PRSS2: variants seen among roughly 807,000 people sequenced by gnomAD.
PRSS2 encodes serine protease 2, also known as trypsin-2.
A neutral mutation model predicts 19.2 loss-of-function variants in PRSS2; 19 were observed. That is an observed-to-expected ratio of 0.99 (90% CI 0.69 to 1.45). The LOEUF (loss-of-function observed/expected upper bound fraction) is 1.45, where lower values mean the gene tolerates loss of function less well. PRSS2 is among the 40% of genes most tolerant of loss of function. The probability of loss-of-function intolerance (pLI) is 0.00; values close to 1 mark genes in which losing one functional copy is unlikely to be tolerated. For synonymous variants in PRSS2, 107 were observed against 117.5 expected (o/e 0.91, Z 0.58); for missense variants, 288 against 294.4 (o/e 0.98, Z 0.16).
chr7:142,771,037 C>T lies in PRSS2; in HGVS notation c.40+15C>T, dbSNP rs938255011. The T allele has an allele frequency of 1.3e-5, 7 of 545,578 alleles. No individual in the cohort carries two copies. In the South Asian group the frequency reaches 2.4e-4, roughly 19 times the overall value. The allele number at this position is 545,578 out of a possible 1,614,324, so 33.8% of individuals were successfully genotyped here. On this transcript the variant is annotated intron_variant, in intron 1 of 4. Coordinates refer to ENST00000539842, the MANE Select transcript of PRSS2 (RefSeq NM_002770.4). ...TGCAGCTGCTGGTGAGTTTCACGCC[C>T]TGCCTCAGGCCTCAACCAACCCTTC...
chr7:142,771,758 A>G (rs1049563542), intron 1 of PRSS2, among the ~76,000 whole-genome samples: 10 of 152,180 alleles, frequency 6.6e-5, no homozygotes, highest in African/African-American at 2.2e-4. Context: ...AGACAGCCAC[A>G]TCCCAAATCC....
At chr7:142,773,574 A>G (rs1431202126) in intron 3 of PRSS2, 55 bp downstream of exon 3, 7 of 1,489,352 alleles carry the variant, frequency 4.7e-6, no homozygotes, top group African/African-American at 1.4e-5. Context: ...TTCCAGAACA[A>G]ACCATGCCCC....
intron 1 of PRSS2, 42 bp from the exon 2 acceptor site, chr7:142,772,007 C>A (rs1554505865): frequency 1.2e-6 from 2 of 1,613,790 alleles, no homozygotes; most frequent in Non-Finnish European, 1.7e-6. Flanking sequence ...CCACCCCTAA[C>A]ATGCTACTGA....
In PRSS2 at chr7:142,774,059, A is replaced by C; in HGVS notation, c.591+4A>C. The C allele has an allele frequency of 6.3e-7, 1 of 1,587,652 alleles. No individual in the cohort carries two copies. Among genetic ancestry groups the C allele is most frequent in the Admixed American group, 1.7e-5 (1 of 59,982 alleles). On this transcript the variant is annotated splice_donor_region_variant and intron_variant, in intron 4 of 4. Transcript: ENST00000539842. ...GGGAGGCAAGGATTCCTGCCAGGTG[A>C]TTTGACCCCTTCCCATGCTGAGGCT...
At position 142,773,336 on chromosome 7, in the gene PRSS2, G is replaced by T. The variant is rs1014691534; in HGVS notation, c.271G>T (p.Ala91Ser). 8.1e-6 allele frequency: 13 copies of T among 1,614,220 alleles called. No individual in the cohort carries two copies. In the Admixed American group the frequency reaches 1.7e-4, roughly 21 times the overall value. ...LEGNEQFINA[A>S]KIIRHPKYNS... Reference sequence around the variant, plus strand: ...GGGGAATGAACAGTTCATCAATGCGGCCAAGATCATCCGCCACCCCAAATA... The same window carrying T: ...GGGGAATGAACAGTTCATCAATGCGTCCAAGATCATCCGCCACCCCAAATA... Residue 91 changes from alanine (A) to serine (S), a missense_variant, in exon 3 of 5, where the codon GCC becomes TCC. Transcript: ENST00000539842.
At position 142,774,378 on chromosome 7, in the gene PRSS2, T is replaced by C. The variant is rs1354248178; in HGVS notation, c.614T>C (p.Val205Ala). The change falls in exon 5 of 5, where the codon GTC becomes GCC. Residue 205 changes from valine to alanine, a missense_variant. Val to Ala is a moderately conservative substitution (Grantham distance 64). Coordinates refer to ENST00000539842, the MANE Select transcript of PRSS2 (RefSeq NM_002770.4). ...SCQGDSGGPV[V>A]SNGELQGIVS... ...CAGGGTGATTCTGGTGGCCCTGTGG[T>C]CTCCAATGGAGAGCTCCAAGGAATT... 5 of 1,446,462 alleles carry C rather than the reference T, an allele frequency of 3.5e-6. No individual in the cohort carries two copies. The Admixed American group carries it at 6.7e-5, about 19-fold the overall frequency. 89.6% of individuals were successfully genotyped at this position (1,446,462 alleles called of 1,614,324 possible). A position where few individuals can be genotyped will look rare whatever the true frequency, so the allele number is the denominator to read the frequency against.
rs777393343 is a variant in PRSS2 at position 142,774,350 on chromosome 7, C to G, written c.592-6C>G. 6 of 1,180,948 alleles carry G rather than the reference C, an allele frequency of 5.1e-6. No individual in the cohort carries two copies. Among genetic ancestry groups the G allele is most frequent in the African/African-American group, 1.6e-5 (1 of 61,282 alleles). 73.2% of individuals were successfully genotyped at this position (1,180,948 alleles called of 1,614,324 possible). A position where few individuals can be genotyped will look rare whatever the true frequency, so the allele number is the denominator to read the frequency against. On this transcript the variant is annotated splice_polypyrimidine_tract_variant and splice_region_variant and intron_variant, in intron 4 of 4. Coordinates refer to ENST00000539842, the MANE Select transcript of PRSS2 (RefSeq NM_002770.4). ...CTTCATACAACTTGTCCCTTCTTCC[C>G]CCCAGGGTGATTCTGGTGGCCCTGT...
At position 142,774,448 on chromosome 7, in the gene PRSS2, C is replaced by T. The variant is rs769082838; in HGVS notation, c.684C>T (p.Val228=). The change falls in exon 5 of 5, where the codon GTC becomes GTT. Residue 228 remains valine, a synonymous_variant. Transcript: ENST00000539842. ...YGCAQKNRPG[V]YTKVYNYVDW... ...GTGCCCAGAAGAACAGGCCTGGAGTCTACACCAAGGTCTACAACTATGTGG... is the reference window on the plus strand; with the variant it reads ...GTGCCCAGAAGAACAGGCCTGGAGTTTACACCAAGGTCTACAACTATGTGG... 1.2e-6 allele frequency: 2 copies of T among 1,609,978 alleles called. No homozygotes were observed. The highest frequency in any genetic ancestry group is 1.3e-5 in the African/African-American group (1 of 74,876).
intron 2 of PRSS2, among the ~76,000 whole-genome samples, chr7:142,772,816 T>C (rs1057271788): frequency 2.0e-5 from 3 of 152,184 alleles, no homozygotes; most frequent in Non-Finnish European, 4.4e-5. Flanking sequence ...TCCCAGGAGA[T>C]GCTAATGCTA....
In PRSS2 at chr7:142,773,374, T is replaced by C; in HGVS notation, c.309T>C (p.Thr103=). 1.9e-6 allele frequency: 3 copies of C among 1,611,680 alleles called. No homozygotes were observed. The South Asian group carries it at 3.3e-5, about 18-fold the overall frequency. The change falls in exon 3 of 5, where the codon ACT becomes ACC. Residue 103 remains threonine (T), a synonymous_variant. Transcript: ENST00000539842. The part of the protein sequence containing the change: ...IIRHPKYNSR[T]LDNDILLIKL... ...GCCACCCCAAATACAACAGCCGGACTCTGGACAATGACATCCTGCTGATCA... is the reference window on the plus strand; with the variant it reads ...GCCACCCCAAATACAACAGCCGGACCCTGGACAATGACATCCTGCTGATCA...
intron 3 of PRSS2, 91 bp downstream of exon 3, chr7:142,773,610 G>A (rs2117083966): frequency 3.3e-6 from 2 of 605,268 alleles, no homozygotes; most frequent in East Asian, 2.8e-5. Context: ...TCGCCTCCAG[G>A]CTTAAGACAC....
At chr7:142,773,035 AT>A (rs1332895939) in intron 2 of PRSS2, among the ~76,000 whole-genome samples, 22 of 152,040 alleles carry the variant, frequency 1.4e-4, no homozygotes, top group Non-Finnish European at 1.9e-4. Context: ...CTCTGGTGGG[AT>A]CCCTTTGACT....
chr7:142,772,688 C>T, intron 2 of PRSS2: 1 of 583,444 alleles, frequency 1.7e-6, no homozygotes, highest in Non-Finnish European at 3.0e-6. Context: ...AACTCTTAAA[C>T]CTGAGTATGC....
chr7:142,772,101 G>C lies in PRSS2; in HGVS notation c.93G>C (p.Glu31Asp). 1 of 1,613,656 alleles carries C rather than the reference G, an allele frequency of 6.2e-7. No homozygotes were observed. The highest frequency in any genetic ancestry group is 8.5e-7 in the Non-Finnish European group (1 of 1,179,532). ...AGATCGTTGGGGGCTACATCTGTGA[G>C]GAGAATTCTGTCCCCTACCAGGTGT... ...DDKIVGGYIC[E>D]ENSVPYQVSL... Residue 31 changes from glutamate (E) to aspartate (D), a missense_variant, in exon 2 of 5, where the codon GAG becomes GAC. By Grantham distance (45) the Glu-to-Asp change is conservative. Coordinates refer to ENST00000539842, the MANE Select transcript of PRSS2 (RefSeq NM_002770.4).
At chr7:142,772,971 C>T (rs1280866348) in intron 2 of PRSS2, among the ~76,000 whole-genome samples, 3 of 150,498 alleles carry the variant, frequency 2.0e-5, no homozygotes, top group African/African-American at 4.9e-5. Flanking sequence ...GCCCACAGTG[C>T]TAGTGACATG....
rs984732408 is a variant in PRSS2 at position 142,773,182 on chromosome 7, A to G, written c.201-84A>G. On this transcript the variant is annotated intron_variant, in intron 2 of 4. Coordinates refer to ENST00000539842, the MANE Select transcript of PRSS2 (RefSeq NM_002770.4). The stretch of plus-strand genomic sequence containing the variant: ...CATGCCTCCAGAGCTGTCCATGAGC[A>G]GGGAGCTTAAGGACCCATGGAAAGG... 2.5e-5 allele frequency: 41 copies of G among 1,612,152 alleles called. No individual in the cohort carries two copies. In the East Asian group the frequency reaches 7.6e-4, roughly 30 times the overall value.
At position 142,772,162 on chromosome 7, in the gene PRSS2, C is replaced by T. The variant is rs767404940; in HGVS notation, c.154C>T (p.Leu52Phe). The T allele has an allele frequency of 6.2e-7, 1 of 1,613,762 alleles. No homozygotes were observed. Among genetic ancestry groups the T allele is most frequent in the Non-Finnish European group, 8.5e-7 (1 of 1,179,760 alleles). ...TGGCTACCACTTCTGCGGTGGCTCC[C>T]TCATCAGCGAACAGTGGGTGGTGTC... ...NSGYHFCGGS[L>F]ISEQWVVSAG... The change falls in exon 2 of 5, where the codon CTC becomes TTC. Residue 52 changes from leucine to phenylalanine, a missense_variant. Physicochemically the swap from Leu to Phe is conservative, Grantham distance 22. Coordinates refer to ENST00000539842, the MANE Select transcript of PRSS2 (RefSeq NM_002770.4).
rs974172521 is a variant in PRSS2 at position 142,774,289 on chromosome 7, A to G, written c.592-67A>G. The G allele has an allele frequency of 1.0e-5, 11 of 1,056,492 alleles. No individual in the cohort carries two copies. In the Admixed American group the frequency reaches 1.5e-4, roughly 15 times the overall value. 65.4% of individuals were successfully genotyped at this position (1,056,492 alleles called of 1,614,324 possible). On this transcript the variant is annotated intron_variant, in intron 4 of 4. Coordinates refer to ENST00000539842, the MANE Select transcript of PRSS2 (RefSeq NM_002770.4). ...GCTGGAAAGGGCTCTTTTAAGGTTC[A>G]GAGCAAATGTAGGTGTATTCCTCCT...
chr7:142,774,305 T>C (rs772932520), intron 4 of PRSS2, 51 bp from the exon 5 acceptor site: 2 of 1,074,842 alleles, frequency 1.9e-6, no homozygotes, highest in Admixed American at 1.7e-5. Context: ...AATGTAGGTG[T>C]ATTCCTCCTC....
Sources: gnomAD v4.1 joint callset for allele counts (sites outside exome capture counted in the v4.1 genomes callset) on GRCh38, gnomAD v4.1.1 for gene constraint, MANE v1.5 for transcripts, NCBI Gene and HGNC (gene_info 2026-07-23, HGNC 2026-07-21) for gene names.